Variants in CDH4 observed in about 807,000 individuals in gnomAD.
The protein encoded by CDH4 is cadherin-4.
Under a neutral mutation model 86.0 loss-of-function variants are expected in CDH4, and 33 were observed. The ratio of observed to expected loss-of-function variants is 0.38; its 90% CI spans 0.29 to 0.51. CDH4 has a LOEUF of 0.51. Ranked by LOEUF, CDH4 falls within the 20% of genes least tolerant of loss-of-function variation. The pLI is 0.86. For synonymous variants in CDH4, 555 were observed against 549.4 expected, an observed-to-expected ratio of 1.01 and a Z score of -0.14; for missense variants, 1,114 against 1,307.4, an observed-to-expected ratio of 0.85 and a Z score of 2.28.
At chr20:61,257,124 G>T (rs2084102853) in intron 2 of CDH4, among the ~76,000 whole-genome samples, 1 of 152,208 alleles carries the variant, frequency 6.6e-6, no homozygotes, top group African/African-American at 2.4e-5. Flanking sequence ...AGTTATTCCA[G>T]CGGAGAGAGC....
intron 2 of CDH4, among the ~76,000 whole-genome samples, chr20:61,368,825 A>G (rs28839264): frequency 0.18 from 26,732 of 152,154 alleles, 3,024 homozygotes; most frequent in East Asian, 0.36. Flanking sequence ...CTAGGATGGT[A>G]TTTTGTTGTA....
chr20:61,826,983 G>A (rs80305123), intron 4 of CDH4, among the ~76,000 whole-genome samples: 56,479 of 150,754 alleles, frequency 0.37, 12,950 homozygotes, highest in Non-Finnish European at 0.52. Flanking sequence ...GTGTGTGTGT[G>A]TGTGTGTGTG....
At chr20:61,492,363 G>T (rs1165233874) in intron 2 of CDH4, among the ~76,000 whole-genome samples, 2 of 152,064 alleles carry the variant, frequency 1.3e-5, no homozygotes, top group Non-Finnish European at 2.9e-5. Context: ...TGGTGGTGTT[G>T]ATGTAAGTGG....
chr20:61,522,750 C>T (rs567911579), intron 2 of CDH4, among the ~76,000 whole-genome samples: 3 of 152,284 alleles, frequency 2.0e-5, no homozygotes, highest in Non-Finnish European at 4.4e-5. Context: ...TGTTGTCTTC[C>T]GCGGAAAGTT....
chr20:61,784,360 A>G (rs1395545842), intron 4 of CDH4, among the ~76,000 whole-genome samples: 2 of 13,276 alleles, frequency 1.5e-4, no homozygotes, highest in African/African-American at 8.7e-4. Flanking sequence ...GCCCTCCGAT[A>G]TCCTGTGCCC....
intron 4 of CDH4, among the ~76,000 whole-genome samples, chr20:61,786,252 C>G (rs1450063152): frequency 6.6e-6 from 1 of 152,136 alleles, no homozygotes; most frequent in Non-Finnish European, 1.5e-5. Context: ...TTCCTGGCCC[C>G]AGGCAGGAGG....
At chr20:61,899,481 G>T (rs1985284049) in intron 8 of CDH4, among the ~76,000 whole-genome samples, 1 of 152,136 alleles carries the variant, frequency 6.6e-6, no homozygotes, top group South Asian at 2.1e-4. Context: ...AGGCTGGAGT[G>T]CAGTGGCGTG....
chr20:61,295,315 C>CCGTG (rs1397832651), intron 2 of CDH4, among the ~76,000 whole-genome samples: 2 of 152,156 alleles, frequency 1.3e-5, no homozygotes, highest in Non-Finnish European at 2.9e-5. Context: ...AGAACACTGA[C>CCGTG]CATGCGGTAT....
At chr20:61,390,962 G>C (rs1416008936) in intron 2 of CDH4, among the ~76,000 whole-genome samples, 3 of 152,186 alleles carry the variant, frequency 2.0e-5, no homozygotes, top group Non-Finnish European at 4.4e-5. Flanking sequence ...TAATTTTGTA[G>C]TTAAAAAATT....
intron 2 of CDH4, among the ~76,000 whole-genome samples, chr20:61,641,308 T>G (rs910208706): frequency 2.6e-5 from 4 of 152,090 alleles, no homozygotes; most frequent in African/African-American, 9.7e-5. Context: ...TTTCATCCGC[T>G]CAGCACAGAG....
At chr20:61,599,361 T>G (rs530620215) in intron 2 of CDH4, among the ~76,000 whole-genome samples, 1 of 152,320 alleles carries the variant, frequency 6.6e-6, no homozygotes, top group Non-Finnish European at 1.5e-5. Flanking sequence ...TGGATGTGCC[T>G]GAGGGACAGG....
chr20:61,782,170 G>A (rs1978581583), intron 4 of CDH4, among the ~76,000 whole-genome samples: 1 of 152,112 alleles, frequency 6.6e-6, no homozygotes, highest in Middle Eastern at 3.2e-3. Context: ...TCAGCTGGGT[G>A]TGGTGGCACA....
chr20:61,771,010 C>CTTTTTTTT (rs756131628), intron 3 of CDH4, among the ~76,000 whole-genome samples: 102 of 130,302 alleles, frequency 7.8e-4, no homozygotes, highest in Non-Finnish European at 9.9e-4. Flanking sequence ...TTCTTTTTTT[C>CTTTTTTTT]TTTTTTTTTT....
intron 2 of CDH4, among the ~76,000 whole-genome samples, chr20:61,294,702 A>G (rs3859604): frequency 0.61 from 92,324 of 152,134 alleles, 28,362 homozygotes; most frequent in Admixed American, 0.67. Flanking sequence ...AGCCTGTGAG[A>G]TGTGGGCATT....
chr20:61,666,145 G>A (rs2145838716), intron 2 of CDH4, among the ~76,000 whole-genome samples: 1 of 152,284 alleles, frequency 6.6e-6, no homozygotes, highest in East Asian at 1.9e-4. Context: ...TGCAAGTAAG[G>A]CCATGGCCTC....
At chr20:61,650,631 T>G (rs1324954063) in intron 2 of CDH4, among the ~76,000 whole-genome samples, 1 of 152,124 alleles carries the variant, frequency 6.6e-6, no homozygotes, top group Non-Finnish European at 1.5e-5. Flanking sequence ...ACAAGTAGCT[T>G]CCCCACCTTT....
chr20:61,896,862 G>T (rs540616568), intron 8 of CDH4, among the ~76,000 whole-genome samples: 1 of 152,310 alleles, frequency 6.6e-6, no homozygotes, highest in East Asian at 1.9e-4. Context: ...CAGCTGGCCG[G>T]ACAGCCCCAG....
intron 4 of CDH4, among the ~76,000 whole-genome samples, chr20:61,817,562 T>C (rs13040784): frequency 0.41 from 62,232 of 151,324 alleles, 15,611 homozygotes; most frequent in Non-Finnish European, 0.57. Flanking sequence ...TGCAGTGGGG[T>C]ATGCGCTCCT....
intron 2 of CDH4, among the ~76,000 whole-genome samples, chr20:61,360,640 G>A (rs2084778565): frequency 6.6e-6 from 1 of 152,208 alleles, no homozygotes; most frequent in African/African-American, 2.4e-5. Context: ...GGGGACATGT[G>A]GCAATGGAGG....
Sources: gnomAD v4.1 joint callset for allele counts (sites outside exome capture counted in the v4.1 genomes callset) on GRCh38, gnomAD v4.1.1 for gene constraint, MANE v1.5 for transcripts, NCBI Gene and HGNC (gene_info 2026-07-23, HGNC 2026-07-21) for gene names.